Variants in TRAPPC10 observed in about 807,000 individuals in gnomAD.
The protein encoded by TRAPPC10 is TRAPP 130 kDa subunit.
In TRAPPC10, 23 loss-of-function variants were observed where a neutral mutation model predicts 125.5. That is an observed-to-expected ratio of 0.18 (90% CI 0.13 to 0.26). TRAPPC10 has a LOEUF of 0.26. Ranked by LOEUF, TRAPPC10 falls within the 10% of genes least tolerant of loss-of-function variation. The pLI is 1.00. For missense variants in TRAPPC10, 1,123 were observed against 1,308.4 expected (o/e 0.86, Z 2.19); for synonymous variants, 509 against 518.0 (o/e 0.98, Z 0.24).
In TRAPPC10 at chr21:44,028,685, C is replaced by CA. The variant is rs202190672; in HGVS notation, c.68-3399dup. Among the ~76,000 whole-genome samples the CA allele has an allele frequency of 2.9e-3, 444 of 151,990 alleles. 4 individuals carry two copies. The highest frequency in any genetic ancestry group is 0.01 in the African/African-American group (415 of 41,496). On this transcript the variant is annotated intron_variant, in intron 1 of 22. Coordinates refer to ENST00000291574, the MANE Select transcript of TRAPPC10 (RefSeq NM_003274.5). ...TATTTTGATAGATCTCCTCTGTCAC[C>CA]AAAAAAAGGAGACCTTAGTTATTGG...
At position 44,087,556 on chromosome 21, in the gene TRAPPC10, T is replaced by G. The variant is rs1367639135; in HGVS notation, c.2540-143T>G. The G allele has an allele frequency of 1.4e-6, 1 of 706,258 alleles. No individual in the cohort carries two copies. Among genetic ancestry groups the G allele is most frequent in the Non-Finnish European group, 2.4e-6 (1 of 411,126 alleles). 43.7% of individuals were successfully genotyped at this position (706,258 alleles called of 1,614,324 possible). A position where few individuals can be genotyped will look rare whatever the true frequency, so the allele number is the denominator to read the frequency against. ...ACAGGGCTGCTCTGTCCTAGGGGCC[T>G]TGTTCTTGGGTTTGCCTGCCAGGTG... On this transcript the variant is annotated intron_variant, in intron 16 of 22. Coordinates refer to ENST00000291574, the MANE Select transcript of TRAPPC10 (RefSeq NM_003274.5). The surrounding 1 kb of genome is among the most constrained non-coding windows in gnomAD (Gnocchi z 4.6).
intron 7 of TRAPPC10, among the ~76,000 whole-genome samples, chr21:44,073,899 C>A (rs1230956638): frequency 6.6e-6 from 1 of 152,106 alleles, no homozygotes; most frequent in Non-Finnish European, 1.5e-5. Context: ...AGTTTTCCCT[C>A]CCCTCTTGAC....
intron 1 of TRAPPC10, among the ~76,000 whole-genome samples, chr21:44,013,211 G>GT (rs1248850452): frequency 6.6e-6 from 1 of 152,208 alleles, no homozygotes; most frequent in Non-Finnish European, 1.5e-5. Context: ...TGCCTCTTGG[G>GT]TGTCGTGTCC....
chr21:44,081,936 G>T (rs764182291), intron 13 of TRAPPC10, among the ~76,000 whole-genome samples: 1 of 152,132 alleles, frequency 6.6e-6, no homozygotes, highest in Non-Finnish European at 1.5e-5. Context: ...GCATCATGAC[G>T]TTAGTCTGTG....
At chr21:44,051,102 C>T (rs1216559606) in intron 3 of TRAPPC10, among the ~76,000 whole-genome samples, 2 of 152,200 alleles carry the variant, frequency 1.3e-5, no homozygotes, top group African/African-American at 2.4e-5. Flanking sequence ...TGGGGTTTCA[C>T]CATGTTGCCC....
At chr21:44,075,189 T>C in intron 9 of TRAPPC10, 36 bp downstream of exon 9, 1 of 1,444,602 alleles carries the variant, frequency 6.9e-7, no homozygotes, top group East Asian at 2.3e-5. Context: ...AGTGGTGAGG[T>C]GGACAGTAAT....
chr21:44,014,352 G>T lies in TRAPPC10; in HGVS notation c.67+1792G>T, dbSNP rs931904914. ...TATTGGATTGTCATCTTGGTGGTGG[G>T]TTTTTTCCTGTGTTTTGAGCAGCAG... On this transcript the variant is annotated intron_variant, in intron 1 of 22. Transcript: ENST00000291574. Among the ~76,000 whole-genome samples the T allele has an allele frequency of 4.6e-5, 7 of 150,962 alleles. No individual in the cohort carries two copies. In the South Asian group the frequency reaches 1.5e-3, roughly 32 times the overall value.
At chr21:44,080,709 T>C (rs1375711064) in intron 13 of TRAPPC10, among the ~76,000 whole-genome samples, 3 of 152,064 alleles carry the variant, frequency 2.0e-5, no homozygotes, top group Non-Finnish European at 4.4e-5. Context: ...TGCTAATTTT[T>C]TGTATTTTTA....
At chr21:44,069,484 G>A (rs1212920731) in intron 7 of TRAPPC10, among the ~76,000 whole-genome samples, 1 of 152,186 alleles carries the variant, frequency 6.6e-6, no homozygotes, top group Non-Finnish European at 1.5e-5. Context: ...AGAATGGCCA[G>A]GATGGAAAGG....
In TRAPPC10 at chr21:44,077,594, A is replaced by T. The variant is rs1601773393; in HGVS notation, c.1378-99A>T. ...AGCAAGACTCTGTCTCAAAACAAAA[A>T]CCCAACAATGTCTTTTGTGTGAGCT... On this transcript the variant is annotated intron_variant, in intron 10 of 22. Transcript: ENST00000291574. The T allele has an allele frequency of 4.2e-6, 4 of 962,150 alleles. No individual in the cohort carries two copies. The East Asian group carries it at 1.1e-4, about 26-fold the overall frequency. 59.6% of individuals were successfully genotyped at this position (962,150 alleles called of 1,614,324 possible). A position where few individuals can be genotyped will look rare whatever the true frequency, so the allele number is the denominator to read the frequency against.
At chr21:44,074,867 T>C (rs1242019996) in intron 8 of TRAPPC10, among the ~76,000 whole-genome samples, 172 bp from the exon 9 acceptor site, 1 of 152,240 alleles carries the variant, frequency 6.6e-6, no homozygotes, top group African/African-American at 2.4e-5. Flanking sequence ...CCTCCAAGCC[T>C]CACTGGGAGC....
chr21:44,041,323 T>C (rs1345680745), intron 3 of TRAPPC10, among the ~76,000 whole-genome samples: 1 of 152,232 alleles, frequency 6.6e-6, no homozygotes, highest in Non-Finnish European at 1.5e-5. Flanking sequence ...GGAAATTACG[T>C]ATTTCGGTTA....
At chr21:44,079,540 G>A in intron 11 of TRAPPC10, 24 bp from the exon 12 acceptor site, 1 of 1,579,482 alleles carries the variant, frequency 6.3e-7, no homozygotes, top group Non-Finnish European at 8.5e-7. Flanking sequence ...TGTAATGAAA[G>A]CTACTGTTTG....
chr21:44,029,403 C>T (rs113333712), intron 1 of TRAPPC10, among the ~76,000 whole-genome samples: 1,627 of 152,278 alleles, frequency 0.011, 34 homozygotes, highest in African/African-American at 0.037. Flanking sequence ...TGCTCTTCAC[C>T]ATCTTTCATG....
rs777844362 is a variant in TRAPPC10, at chr21:44,087,694, C to T, written c.2540-5C>T. ...CTTTGAAGTGACTTTTTCTGTCCTT[C>T]GTAGAACAGTCTTCTGAGGCCGCGC... On this transcript the variant is annotated splice_region_variant and splice_polypyrimidine_tract_variant and intron_variant, in intron 16 of 22. Coordinates refer to ENST00000291574, the MANE Select transcript of TRAPPC10 (RefSeq NM_003274.5). This position sits in a 1 kb window ranked among gnomAD's most constrained non-coding sequence, Gnocchi z 4.6. The T allele has an allele frequency of 1.7e-5, 28 of 1,612,180 alleles. 1 individual carries two copies. The South Asian group carries it at 2.0e-4, about 11-fold the overall frequency.
intron 3 of TRAPPC10, among the ~76,000 whole-genome samples, chr21:44,048,927 T>C (rs1398711485): frequency 6.6e-6 from 1 of 151,416 alleles, no homozygotes; most frequent in Non-Finnish European, 1.5e-5. Context: ...ATTACTATCA[T>C]AGTATTAATA....
chr21:44,064,654 AG>A (rs2036306760), intron 7 of TRAPPC10, among the ~76,000 whole-genome samples: 1 of 152,204 alleles, frequency 6.6e-6, no homozygotes, highest in Non-Finnish European at 1.5e-5. Flanking sequence ...AGGTCTGAAG[AG>A]TATAAGCCAT....
chr21:44,066,318 A>G (rs919789313), intron 7 of TRAPPC10, among the ~76,000 whole-genome samples: 1 of 152,206 alleles, frequency 6.6e-6, no homozygotes, highest in Non-Finnish European at 1.5e-5. Context: ...GGGGCTGAGG[A>G]GGGGAGCAAG....
Position 44,012,570 on chromosome 21 carries a change from C to T in TRAPPC10, c.67+10C>T, listed in dbSNP as rs373359114. ...AAGCCCATCGTCACCTGTGAGTGCC[C>T]GGAGGCGGGGAGGGCGCGGCGGTCG... On this transcript the variant is annotated intron_variant, in intron 1 of 22. Transcript: ENST00000291574. 14 of 1,532,766 alleles carry T rather than the reference C, an allele frequency of 9.1e-6. No homozygotes were observed. Among genetic ancestry groups the T allele is most frequent in the African/African-American group, 4.2e-5 (3 of 71,898 alleles). 94.9% of individuals were successfully genotyped at this position (1,532,766 alleles called of 1,614,324 possible).
Sources: allele counts gnomAD v4.1 joint callset (sites outside exome capture counted in the v4.1 genomes callset), GRCh38; gene constraint gnomAD v4.1.1; non-coding constraint Gnocchi (gnomAD v3.1); transcripts MANE v1.5; gene names NCBI Gene and HGNC (gene_info 2026-07-23, HGNC 2026-07-21).